Variants in SNTG1 observed in about 807,000 individuals in gnomAD.
SNTG1 encodes the protein gamma-1-syntrophin.
In SNTG1, 39 loss-of-function variants were observed where a neutral mutation model predicts 74.7. The ratio of observed to expected loss-of-function variants is 0.52; its 90% CI spans 0.40 to 0.68. The LOEUF (loss-of-function observed/expected upper bound fraction) is 0.68, where lower values mean the gene tolerates loss of function less well. SNTG1 is among the 30% of genes least tolerant of loss of function. The pLI is 0.00. For synonymous variants in SNTG1, 254 were observed against 217.1 expected, an observed-to-expected ratio of 1.17 and a Z score of -1.49; for missense variants, 685 against 609.5, an observed-to-expected ratio of 1.12 and a Z score of -1.30.
intron 12 of SNTG1, among the ~76,000 whole-genome samples, chr8:50,584,900 A>C (rs2094637324): frequency 6.6e-6 from 1 of 152,078 alleles, no homozygotes; most frequent in African/African-American, 2.4e-5. Context: ...CTGGGTGGGC[A>C]CTGGGTCCAT....
At chr8:50,198,000 T>C (rs1337123099) in intron 2 of SNTG1, among the ~76,000 whole-genome samples, 1 of 152,182 alleles carries the variant, frequency 6.6e-6, no homozygotes, top group East Asian at 1.9e-4. Flanking sequence ...CTCTCTCTTG[T>C]GTTCTGTTGG....
intron 2 of SNTG1, among the ~76,000 whole-genome samples, chr8:50,210,186 TA>T: frequency 6.6e-6 from 1 of 151,324 alleles, no homozygotes; most frequent in East Asian, 1.9e-4. Flanking sequence ...GAAAAAAGAG[TA>T]AAAAGAAACA....
At chr8:50,401,075 T>C (rs1001224899) in intron 3 of SNTG1, among the ~76,000 whole-genome samples, 8 of 152,174 alleles carry the variant, frequency 5.3e-5, no homozygotes, top group Admixed American at 6.6e-5. Flanking sequence ...GAATACTTAC[T>C]ATGTGCTAAA....
At chr8:50,302,041 G>A (rs2089674634) in intron 2 of SNTG1, among the ~76,000 whole-genome samples, 2 of 152,026 alleles carry the variant, frequency 1.3e-5, no homozygotes, top group African/African-American at 4.8e-5. Flanking sequence ...ACTTTTGGTA[G>A]AGACAGAGTT....
chr8:50,227,910 TAAAC>T (rs2085418433), intron 2 of SNTG1, among the ~76,000 whole-genome samples: 1 of 59,540 alleles, frequency 1.7e-5, no homozygotes, highest in Non-Finnish European at 3.7e-5. Context: ...AAAAATGACA[TAAAC>T]AACAACCAAA....
intron 1 of SNTG1, among the ~76,000 whole-genome samples, chr8:50,170,900 C>G (rs7010035): frequency 3.3e-5 from 5 of 151,864 alleles, no homozygotes; most frequent in Admixed American, 2.0e-4. Context: ...ACAGGGCAGC[C>G]TCCCTCTTCC....
chr8:50,395,765 C>T (rs925277127), intron 3 of SNTG1, among the ~76,000 whole-genome samples: 1 of 152,168 alleles, frequency 6.6e-6, no homozygotes, highest in Non-Finnish European at 1.5e-5. Flanking sequence ...CCCGACTCGG[C>T]CTCCCAAAGT....
intron 1 of SNTG1, among the ~76,000 whole-genome samples, chr8:49,976,075 A>G (rs1386497892): frequency 1.3e-5 from 2 of 152,124 alleles, no homozygotes; most frequent in South Asian, 2.1e-4. Flanking sequence ...ATTCTTGGCA[A>G]CTATTACTAA....
intron 4 of SNTG1, among the ~76,000 whole-genome samples, chr8:50,404,120 T>C (rs1035966963): frequency 1.4e-4 from 21 of 152,104 alleles, no homozygotes; most frequent in Non-Finnish European, 2.4e-4. Context: ...CCCAAGTTAA[T>C]TGTGTTTCTA....
At chr8:50,099,971 G>T (rs1321494073) in intron 1 of SNTG1, among the ~76,000 whole-genome samples, 1 of 151,770 alleles carries the variant, frequency 6.6e-6, no homozygotes, top group Non-Finnish European at 1.5e-5. Context: ...GCTTTTTTTA[G>T]TTTGACAGAA....
At chr8:50,384,037 G>T (rs2092533957) in intron 2 of SNTG1, among the ~76,000 whole-genome samples, 1 of 152,168 alleles carries the variant, frequency 6.6e-6, no homozygotes, top group Non-Finnish European at 1.5e-5. Flanking sequence ...CAAAAGTTTT[G>T]CTAGTAAGTA....
chr8:49,985,036 G>C (rs1327559145), intron 1 of SNTG1, among the ~76,000 whole-genome samples: 1 of 152,082 alleles, frequency 6.6e-6, no homozygotes, highest in Non-Finnish European at 1.5e-5. Context: ...CTGGTGGCCA[G>C]GATTAGATTC....
chr8:50,122,179 C>A (rs1273597461), intron 1 of SNTG1, among the ~76,000 whole-genome samples: 1 of 141,774 alleles, frequency 7.1e-6, no homozygotes. Flanking sequence ...TGTTTCTCAG[C>A]CTCTGTAGGC....
intron 17 of SNTG1, among the ~76,000 whole-genome samples, chr8:50,747,207 A>G (rs2095557041): frequency 6.6e-6 from 1 of 151,960 alleles, no homozygotes; most frequent in Non-Finnish European, 1.5e-5. Context: ...GTAGGCCTAT[A>G]TAAATTGAAA....
chr8:50,665,408 TTG>T (rs144086828), intron 15 of SNTG1, among the ~76,000 whole-genome samples: 2,499 of 148,396 alleles, frequency 0.017, 39 homozygotes, highest in Middle Eastern at 0.039. Flanking sequence ...TAGTGTGTGT[TTG>T]TGTGTGTGTG....
In SNTG1 at chr8:50,607,449, C is replaced by G. The variant is rs1273987940; in HGVS notation, c.849+16532C>G. ...TTGAGTAAGCTTTGGTATTTTGTGT[C>G]TTTCTAGGAATTCATGCATTTCATT... is the stretch of plus-strand genomic sequence containing the variant. On this transcript the variant is annotated intron_variant, in intron 13 of 18. Transcript: ENST00000642720. Among the ~76,000 whole-genome samples the G allele has an allele frequency of 2.4e-4, 36 of 151,460 alleles. 1 individual carries two copies. The highest frequency in any genetic ancestry group is 2.4e-3 in the Admixed American group (36 of 15,208).
At chr8:49,917,615 T>C (rs996993218) in intron 1 of SNTG1, among the ~76,000 whole-genome samples, 3 of 152,166 alleles carry the variant, frequency 2.0e-5, no homozygotes, top group African/African-American at 7.2e-5. Flanking sequence ...ATGGCTCTGA[T>C]CAACTACCGC....
At chr8:50,697,032 G>A (rs1312217249) in intron 15 of SNTG1, among the ~76,000 whole-genome samples, 2 of 152,010 alleles carry the variant, frequency 1.3e-5, no homozygotes, top group Non-Finnish European at 2.9e-5. Flanking sequence ...ATTGTTTTGG[G>A]AAATATGGCC....
At chr8:50,100,650 T>G (rs945932043) in intron 1 of SNTG1, among the ~76,000 whole-genome samples, 5 of 152,168 alleles carry the variant, frequency 3.3e-5, no homozygotes, top group African/African-American at 1.2e-4. Flanking sequence ...CTAAGTTACT[T>G]TCTTTGAAGA....
Sources: allele counts gnomAD v4.1 joint callset (sites outside exome capture counted in the v4.1 genomes callset), GRCh38; gene constraint gnomAD v4.1.1; transcripts MANE v1.5; gene names NCBI Gene and HGNC (gene_info 2026-07-23, HGNC 2026-07-21).